CERS6: variants seen among roughly 807,000 people sequenced by gnomAD.
CERS6 encodes LAG1 homolog, ceramide synthase 6.
A neutral mutation model predicts 56.8 loss-of-function variants in CERS6; 26 were observed. The observed-to-expected ratio is 0.46, with a 90% CI of 0.34 to 0.63. CERS6 has a LOEUF of 0.63. CERS6 is among the 30% of genes least tolerant of loss of function. The pLI is 0.01. For synonymous variants in CERS6, 164 were observed against 173.3 expected (o/e 0.95, Z 0.42); for missense variants, 415 against 467.5 (o/e 0.89, Z 1.04).
chr2:168,590,719 A>G (rs1327067634), intron 3 of CERS6, among the ~76,000 whole-genome samples: 1 of 152,226 alleles, frequency 6.6e-6, no homozygotes, highest in Non-Finnish European at 1.5e-5. Context: ...TTAGTGGTGG[A>G]CATTGGATTA....
intron 4 of CERS6, among the ~76,000 whole-genome samples, chr2:168,641,573 G>T (rs72877899): frequency 0.13 from 19,483 of 151,996 alleles, 1,552 homozygotes; most frequent in East Asian, 0.18. Flanking sequence ...GGTTCTTTGT[G>T]GATCCCCTCA....
At chr2:168,682,135 C>T (rs988296942) in intron 4 of CERS6, among the ~76,000 whole-genome samples, 2 of 152,070 alleles carry the variant, frequency 1.3e-5, no homozygotes, top group Non-Finnish European at 1.5e-5. Flanking sequence ...GATATATAAC[C>T]GGTAGTTGGG....
chr2:168,458,343 C>G (rs577476577), intron 1 of CERS6, among the ~76,000 whole-genome samples: 120 of 152,264 alleles, frequency 7.9e-4, no homozygotes, highest in Non-Finnish European at 1.4e-3. Flanking sequence ...TTCCTGACAT[C>G]CTCCTTCTCT....
In CERS6 at chr2:168,616,734, A is replaced by G. The variant is rs530357257; in HGVS notation, c.408-14251A>G. On this transcript the variant is annotated intron_variant, in intron 3 of 9. Transcript: ENST00000305747. ...CTTACACTGGAGCTCCCAAATTTAT[A>G]AACAGTTACTACTAGACCTAAGAAA... Among the ~76,000 whole-genome samples the G allele has an allele frequency of 3.3e-5, 5 of 152,338 alleles. No individual in the cohort carries two copies. The South Asian group carries it at 1.0e-3, about 32-fold the overall frequency.
intron 8 of CERS6, among the ~76,000 whole-genome samples, chr2:168,729,122 GA>G (rs1002272892): frequency 1.3e-5 from 2 of 151,888 alleles, no homozygotes; most frequent in Non-Finnish European, 2.9e-5. Flanking sequence ...TGGAGGAAGA[GA>G]AAAAATAAAA....
chr2:168,508,758 GT>G (rs1174044605), intron 1 of CERS6, among the ~76,000 whole-genome samples: 2 of 152,244 alleles, frequency 1.3e-5, no homozygotes, highest in East Asian at 3.9e-4. Context: ...AATACCTAAT[GT>G]AGATGATGGG....
intron 4 of CERS6, among the ~76,000 whole-genome samples, chr2:168,664,994 C>G (rs10193556): frequency 0.068 from 10,415 of 152,156 alleles, 438 homozygotes; most frequent in Non-Finnish European, 0.092. Context: ...ATCACTGTCT[C>G]CAGGCTTTTT....
At chr2:168,618,733 A>C (rs1045471255) in intron 3 of CERS6, among the ~76,000 whole-genome samples, 1 of 152,242 alleles carries the variant, frequency 6.6e-6, no homozygotes, top group Non-Finnish European at 1.5e-5. Context: ...ATCATAGATG[A>C]CATAAGCAAA....
intron 1 of CERS6, among the ~76,000 whole-genome samples, chr2:168,544,987 A>G (rs949734225): frequency 5.9e-5 from 9 of 151,896 alleles, no homozygotes; most frequent in African/African-American, 2.2e-4. Context: ...GGGCCCAGGA[A>G]AGTCATGGTT....
intron 1 of CERS6, among the ~76,000 whole-genome samples, chr2:168,466,717 C>T (rs1693888163): frequency 6.6e-6 from 1 of 152,142 alleles, no homozygotes; most frequent in Admixed American, 6.5e-5. Flanking sequence ...CTCTACTGGT[C>T]TTCAAAGTGG....
chr2:168,748,474 A>T (rs1292080031), intron 8 of CERS6, among the ~76,000 whole-genome samples: 1 of 152,174 alleles, frequency 6.6e-6, no homozygotes, highest in Non-Finnish European at 1.5e-5. Flanking sequence ...AAATAAAACC[A>T]CCATCTCTAA....
chr2:168,496,654 T>C (rs1343985743), intron 1 of CERS6, among the ~76,000 whole-genome samples: 2 of 152,196 alleles, frequency 1.3e-5, no homozygotes, highest in Non-Finnish European at 2.9e-5. Context: ...TTTTTTTTAA[T>C]AAACCTGAAA....
chr2:168,731,148 C>T (rs775265073), intron 8 of CERS6, among the ~76,000 whole-genome samples: 16 of 152,050 alleles, frequency 1.1e-4, no homozygotes, highest in Non-Finnish European at 1.9e-4. Flanking sequence ...TGTCTGTTAG[C>T]TGTAATTCTG....
chr2:168,611,478 GT>G (rs1684186129), intron 3 of CERS6, among the ~76,000 whole-genome samples: 1 of 152,156 alleles, frequency 6.6e-6, no homozygotes, highest in Non-Finnish European at 1.5e-5. Flanking sequence ...ATTTAATTTT[GT>G]GGCTATAAAA....
At chr2:168,741,579 A>G (rs1299800386) in intron 8 of CERS6, among the ~76,000 whole-genome samples, 2 of 152,202 alleles carry the variant, frequency 1.3e-5, no homozygotes, top group African/African-American at 2.4e-5. Context: ...GTTGGGCTGC[A>G]TTCAAAGCAG....
At position 168,773,382 on chromosome 2, in the gene CERS6, T is replaced by C. The variant is rs1235051446; in HGVS notation, c.*3720T>C. 6.6e-6 allele frequency: 1 copy of C among 152,250 alleles called. No individual in the cohort carries two copies. Among genetic ancestry groups the C allele is most frequent in the East Asian group, 1.9e-4 (1 of 5,204 alleles). 9.4% of individuals were successfully genotyped at this position (152,250 alleles called of 1,614,324 possible). On this transcript the variant is annotated 3_prime_UTR_variant, in exon 10 of 10. Coordinates refer to ENST00000305747, the MANE Select transcript of CERS6 (RefSeq NM_203463.3). ...TAAAAAGTTAAATGTTTACATTTCATGTGGTATTTCAGGTCTTCAGGTTCT... is the reference window on the plus strand; with the variant it reads ...TAAAAAGTTAAATGTTTACATTTCACGTGGTATTTCAGGTCTTCAGGTTCT...
chr2:168,553,995 A>C (rs1695631513), intron 2 of CERS6, among the ~76,000 whole-genome samples: 1 of 152,194 alleles, frequency 6.6e-6, no homozygotes, highest in Non-Finnish European at 1.5e-5. Flanking sequence ...AAGAAAGATA[A>C]TATTATTGAC....
intron 3 of CERS6, among the ~76,000 whole-genome samples, chr2:168,561,743 G>C (rs1695793986): frequency 6.6e-6 from 1 of 152,100 alleles, no homozygotes; most frequent in Non-Finnish European, 1.5e-5. Context: ...CTGTATTCCT[G>C]GAGATTTAAG....
chr2:168,761,028 A>G (rs919692889), intron 8 of CERS6, among the ~76,000 whole-genome samples: 1 of 152,118 alleles, frequency 6.6e-6, no homozygotes, highest in Non-Finnish European at 1.5e-5. Context: ...AAGTGCTGGG[A>G]TTATAGGCGT....
Sources: gnomAD v4.1 joint callset for allele counts (sites outside exome capture counted in the v4.1 genomes callset) on GRCh38, gnomAD v4.1.1 for gene constraint, MANE v1.5 for transcripts, NCBI Gene and HGNC (gene_info 2026-07-23, HGNC 2026-07-21) for gene names.